The following SP100 variants were observed in gnomAD, a reference collection of about 807,000 sequenced individuals.
SP100 encodes SP100 nuclear body protein, also known as nuclear autoantigen Sp-100.
In SP100, 84 loss-of-function variants were observed where a neutral mutation model predicts 130.0. The ratio of observed to expected loss-of-function variants is 0.65; its 90% CI spans 0.54 to 0.77. SP100 has a LOEUF of 0.77. Among genes scored for constraint, SP100 ranks in the 30% least tolerant of loss-of-function variants. SP100 has a pLI of 0.00. For missense variants in SP100, 978 were observed against 1,052.2 expected (o/e 0.93, Z 0.97); for synonymous variants, 331 against 351.7 (o/e 0.94, Z 0.66).
At chr2:230,421,964 T>C (rs1208992935) in intron 2 of SP100, among the ~76,000 whole-genome samples, 1 of 152,166 alleles carries the variant, frequency 6.6e-6, no homozygotes, top group East Asian at 1.9e-4. Flanking sequence ...TTTTATCTTT[T>C]GGAATTCCTG....
chr2:230,508,266 G>A, intron 23 of SP100: 6 of 392,652 alleles, frequency 1.5e-5, no homozygotes, highest in Non-Finnish European at 2.2e-5. Context: ...TTAAAAGACA[G>A]AACTGAATTG....
intron 27 of SP100, 107 bp downstream of exon 27, chr2:230,541,479 G>C: frequency 1.1e-6 from 1 of 909,250 alleles, no homozygotes; most frequent in Non-Finnish European, 1.8e-6. Context: ...TGAGTTTTTA[G>C]TTCAGGCTAC....
chr2:230,453,857 G>A (rs62193411), intron 8 of SP100, among the ~76,000 whole-genome samples: 4,568 of 152,270 alleles, frequency 0.03, 120 homozygotes, highest in Non-Finnish European at 0.043. Flanking sequence ...TTTAAGAAGA[G>A]TTTGAAAAAG....
intron 16 of SP100, among the ~76,000 whole-genome samples, 153 bp downstream of exon 16, chr2:230,473,593 A>C (rs2065381719): frequency 6.6e-6 from 1 of 152,216 alleles, no homozygotes; most frequent in Non-Finnish European, 1.5e-5. Flanking sequence ...AAGCTTCAGA[A>C]TTTCAAAAGT....
chr2:230,533,665 G>C (rs1691805142), intron 24 of SP100, among the ~76,000 whole-genome samples: 1 of 152,180 alleles, frequency 6.6e-6, no homozygotes, highest in African/African-American at 2.4e-5. Context: ...TATTCAATCT[G>C]TCTAGGCCAA....
rs762080146 is a variant in SP100, at chr2:230,467,166, G to A, written c.1242G>A (p.Ala414=). The change falls in exon 13 of 29, where the codon GCG becomes GCA. Residue 414 remains alanine (A), a synonymous_variant. Transcript: ENST00000340126. ...HDFSESSEEE[A]PAEASSGALR... is the part of the protein sequence containing the mutation. ...TTTCAGAATCCAGTGAGGAGGAGGC[G>A]CCCGCAGAAGCCTCGAGCGGGGCAC... The A allele has an allele frequency of 7.4e-5, 120 of 1,613,782 alleles. No homozygotes were observed. Among genetic ancestry groups the A allele is most frequent in the Non-Finnish European group, 8.8e-5 (104 of 1,179,856 alleles).
chr2:230,421,014 C>T (rs757225812), intron 2 of SP100, among the ~76,000 whole-genome samples: 12 of 152,138 alleles, frequency 7.9e-5, no homozygotes, highest in Non-Finnish European at 1.6e-4. Flanking sequence ...TAATACATCA[C>T]AGTTGGAGGT....
intron 14 of SP100, chr2:230,469,774 CA>C (rs1380274519): frequency 7.4e-7 from 1 of 1,358,288 alleles, no homozygotes; most frequent in Non-Finnish European, 9.7e-7. Context: ...ATATTTTTCC[CA>C]AAGTTAAAAA....
intron 24 of SP100, chr2:230,515,313 G>A (rs1013546685): frequency 2.5e-6 from 4 of 1,613,272 alleles, no homozygotes; most frequent in Non-Finnish European, 2.5e-6. Flanking sequence ...CACCCAAGAG[G>A]CCTCCTTTGG....
chr2:230,461,175 T>G, intron 8 of SP100, 87 bp from the exon 9 acceptor site: 1 of 1,303,826 alleles, frequency 7.7e-7, no homozygotes, highest in Non-Finnish European at 1.1e-6. Flanking sequence ...GCCCCAGCAG[T>G]GAAATTGCAG....
At chr2:230,525,566 TCTGG>T (rs1691382118) in intron 24 of SP100, among the ~76,000 whole-genome samples, 1 of 152,060 alleles carries the variant, frequency 6.6e-6, no homozygotes, top group African/African-American at 2.4e-5. Context: ...CTGGTTGGAC[TCTGG>T]CTGCAGCCTA....
intron 4 of SP100, among the ~76,000 whole-genome samples, chr2:230,446,507 A>G (rs1157826708): frequency 2.6e-5 from 4 of 152,248 alleles, no homozygotes; most frequent in African/African-American, 7.2e-5. Context: ...GGAATTCCCC[A>G]GTTTCTTCCT....
chr2:230,436,962 A>ACG (rs2063308249), intron 2 of SP100, among the ~76,000 whole-genome samples: 1 of 101,132 alleles, frequency 9.9e-6, no homozygotes, highest in Admixed American at 9.4e-5. Flanking sequence ...GTATACACAC[A>ACG]CATATATATG....
intron 18 of SP100, 88 bp downstream of exon 18, chr2:230,494,548 T>C: frequency 1.0e-6 from 1 of 983,098 alleles, no homozygotes; most frequent in Non-Finnish European, 1.6e-6. Context: ...AGCCTCAGAA[T>C]CTCCTATGGG....
chr2:230,476,330 T>G (rs2065547089), intron 17 of SP100, among the ~76,000 whole-genome samples: 1 of 152,196 alleles, frequency 6.6e-6, no homozygotes, highest in Admixed American at 6.5e-5. Context: ...TTCATTTGAT[T>G]CTCAGCTAGA....
chr2:230,508,704 A>T (rs1245138248), intron 23 of SP100: 1 of 152,068 alleles, frequency 6.6e-6, no homozygotes, highest in Non-Finnish European at 1.5e-5. Flanking sequence ...TGCCTTTGCA[A>T]CCTCAACATA....
chr2:230,455,334 G>A lies in SP100; in HGVS notation c.820+5079G>A, dbSNP rs191929216. Among the ~76,000 whole-genome samples the A allele has an allele frequency of 9.2e-5, 14 of 152,306 alleles. 1 individual carries two copies. In the East Asian group the frequency reaches 2.5e-3, roughly 27 times the overall value. ...TCACCTCAGCCTCCCAAAGTGTTGG[G>A]ATTACAGATGTAAGCCACCATGCCT... On this transcript the variant is annotated intron_variant, in intron 8 of 28. Coordinates refer to ENST00000340126, the MANE Select transcript of SP100 (RefSeq NM_001080391.2).
At chr2:230,469,498 C>T (rs1469212239) in intron 14 of SP100, 5 of 462,498 alleles carry the variant, frequency 1.1e-5, no homozygotes, top group Middle Eastern at 3.2e-4. Context: ...TAAGAAACAA[C>T]GTTGTCCTAG....
intron 8 of SP100, 144 bp from the exon 9 acceptor site, chr2:230,461,118 G>T: frequency 2.9e-6 from 2 of 699,934 alleles, no homozygotes; most frequent in South Asian, 2.0e-5. Flanking sequence ...CAAAGGAAGG[G>T]ACAGAGTTGA....
Sources: allele counts gnomAD v4.1 joint callset (sites outside exome capture counted in the v4.1 genomes callset), GRCh38; gene constraint gnomAD v4.1.1; transcripts MANE v1.5; gene names NCBI Gene and HGNC (gene_info 2026-07-23, HGNC 2026-07-21).